CLSTN1: variants seen among roughly 807,000 people sequenced by gnomAD.
CLSTN1 encodes calsyntenin-1.
In CLSTN1, 28 loss-of-function variants were observed where a neutral mutation model predicts 108.3. The ratio of observed to expected loss-of-function variants is 0.26; its 90% CI spans 0.19 to 0.35. The LOEUF is 0.35. CLSTN1 is among the 10% of genes least tolerant of loss of function. The probability of loss-of-function intolerance (pLI) is 1.00; values close to 1 mark genes in which losing one functional copy is unlikely to be tolerated. For missense variants in CLSTN1, 1,157 were observed against 1,302.6 expected (o/e 0.89, Z 1.72); for synonymous variants, 524 against 534.9 (o/e 0.98, Z 0.28).
chr1:9,784,253 G>GAAT (rs1653380598), intron 1 of CLSTN1, among the ~76,000 whole-genome samples: 1 of 151,952 alleles, frequency 6.6e-6, no homozygotes, highest in Non-Finnish European at 1.5e-5. Flanking sequence ...TGAGGCAGGG[G>GAAT]AATCTCTTGA....
rs187253731 is a variant in CLSTN1, at chr1:9,787,978, G to A, written c.92-14584C>T. ...AATTTGACTATTTGACTAAGGGTCC[G>A]GCGTGGTGGCTCAAACCTGTAATCC... is the stretch of plus-strand genomic sequence containing the variant. On this transcript the variant is annotated intron_variant, in intron 1 of 18. Transcript: ENST00000377298. Among the ~76,000 whole-genome samples, 119 of 151,480 alleles carry A rather than the reference G, an allele frequency of 7.9e-4. 1 individual carries two copies. The highest frequency in any genetic ancestry group is 2.1e-3 in the African/African-American group (89 of 41,518).
At chr1:9,760,874 A>C (rs1005833801) in intron 2 of CLSTN1, among the ~76,000 whole-genome samples, 6 of 151,726 alleles carry the variant, frequency 4.0e-5, no homozygotes, top group African/African-American at 1.5e-4. Flanking sequence ...TCACATACGA[A>C]GGTGCAGCTC....
At chr1:9,775,548 C>T (rs1652898362) in intron 1 of CLSTN1, among the ~76,000 whole-genome samples, 1 of 151,998 alleles carries the variant, frequency 6.6e-6, no homozygotes, top group South Asian at 2.1e-4. Flanking sequence ...CCATGAATCC[C>T]TCCCTGAGCC....
At position 9,731,235 on chromosome 1, in the gene CLSTN1, CAG is replaced by C; in HGVS notation, c.2717_2718del (p.Ser906CysfsTer13). On this transcript the variant is annotated frameshift_variant, in exon 18 of 19. Transcript: ENST00000377298. LOFTEE classifies it high-confidence loss of function. ...GKENEMDWDD[S>X]ALTITVNPME... ...ATGGGGTTGACGGTGATGGTCAGGG[CAG>C]AGTCGTCCCAGTCCATCTCGTTCTC... 1 of 1,614,254 alleles carries C rather than the reference CAG, an allele frequency of 6.2e-7. No individual in the cohort carries two copies. Among genetic ancestry groups the C allele is most frequent in the Non-Finnish European group, 8.5e-7 (1 of 1,180,058 alleles).
intron 1 of CLSTN1, among the ~76,000 whole-genome samples, chr1:9,808,573 T>C (rs953995633): frequency 2.6e-5 from 4 of 152,132 alleles, no homozygotes; most frequent in African/African-American, 9.7e-5. Flanking sequence ...CAAAGCTAGG[T>C]TGAGGCAGTT....
At chr1:9,814,411 C>T (rs1444218564) in intron 1 of CLSTN1, among the ~76,000 whole-genome samples, 2 of 152,032 alleles carry the variant, frequency 1.3e-5, no homozygotes, top group East Asian at 1.9e-4. Context: ...CTTTGCTATA[C>T]TTTAAGTATG....
intron 1 of CLSTN1, among the ~76,000 whole-genome samples, chr1:9,779,083 C>T (rs1653114685): frequency 6.6e-6 from 1 of 151,732 alleles, no homozygotes; most frequent in Non-Finnish European, 1.5e-5. Flanking sequence ...GCACCTTTCT[C>T]CTGCGAGCCT....
chr1:9,766,193 A>G (rs1050885364), intron 2 of CLSTN1, among the ~76,000 whole-genome samples: 11 of 152,182 alleles, frequency 7.2e-5, no homozygotes, highest in African/African-American at 2.7e-4. Flanking sequence ...CTGGAAAAGC[A>G]GGAAAGAGAT....
At chr1:9,748,748 C>CA (rs536869002) in intron 7 of CLSTN1, among the ~76,000 whole-genome samples, 1,803 of 150,704 alleles carry the variant, frequency 0.012, 23 homozygotes, top group Non-Finnish European at 0.016. Context: ...CTCGGCCTCC[C>CA]AAAGTGGTAA....
chr1:9,747,739 G>A (rs1207167481), intron 7 of CLSTN1, among the ~76,000 whole-genome samples: 1 of 152,136 alleles, frequency 6.6e-6, no homozygotes, highest in Middle Eastern at 3.4e-3. Flanking sequence ...CAAGTGATCT[G>A]GATAATTTTC....
intron 7 of CLSTN1, among the ~76,000 whole-genome samples, chr1:9,747,057 G>A (rs914382791): frequency 6.6e-6 from 1 of 151,378 alleles, no homozygotes; most frequent in Non-Finnish European, 1.5e-5. Context: ...GCACATGCCT[G>A]TAATCCCAGC....
intron 9 of CLSTN1, among the ~76,000 whole-genome samples, 162 bp from the exon 10 acceptor site, chr1:9,741,418 C>A (rs1650978070): frequency 6.6e-6 from 1 of 152,100 alleles, no homozygotes; most frequent in Non-Finnish European, 1.5e-5. Context: ...CAAAAGAAGC[C>A]AAGCATCTCT....
intron 1 of CLSTN1, among the ~76,000 whole-genome samples, chr1:9,820,430 A>G (rs1655149154): frequency 6.6e-6 from 1 of 152,078 alleles, no homozygotes; most frequent in South Asian, 2.1e-4. Flanking sequence ...GAGGCAGAAG[A>G]ATCTCTTGAA....
chr1:9,741,749 T>C (rs1650994096), intron 9 of CLSTN1, among the ~76,000 whole-genome samples: 1 of 152,124 alleles, frequency 6.6e-6, no homozygotes, highest in Non-Finnish European at 1.5e-5. Context: ...CCATCTCTAC[T>C]GAAAATACAA....
intron 7 of CLSTN1, among the ~76,000 whole-genome samples, chr1:9,745,523 G>A (rs1215328201): frequency 4.6e-5 from 7 of 151,884 alleles, no homozygotes. Context: ...CAGGTGTGGT[G>A]GTGCATCCCT....
At chr1:9,777,155 G>C (rs111521549) in intron 1 of CLSTN1, among the ~76,000 whole-genome samples, 1 of 150,712 alleles carries the variant, frequency 6.6e-6, no homozygotes, top group Non-Finnish European at 1.5e-5. Context: ...GGGAGGTGCA[G>C]GTTGCAGTGA....
At chr1:9,739,252 A>G (rs145593310) in intron 10 of CLSTN1, among the ~76,000 whole-genome samples, 1 of 152,278 alleles carries the variant, frequency 6.6e-6, no homozygotes, top group African/African-American at 2.4e-5. Context: ...GAATGCACTG[A>G]TATTTGCACA....
intron 1 of CLSTN1, among the ~76,000 whole-genome samples, chr1:9,803,107 G>A (rs999880050): frequency 3.3e-5 from 5 of 152,134 alleles, no homozygotes; most frequent in African/African-American, 7.2e-5. Flanking sequence ...ACAGGCATAA[G>A]CCACCACGCC....
chr1:9,788,073 G>A (rs1271042679), intron 1 of CLSTN1, among the ~76,000 whole-genome samples: 1 of 151,204 alleles, frequency 6.6e-6, no homozygotes, highest in African/African-American at 2.4e-5. Flanking sequence ...CGGCCAACCT[G>A]GCGAGACCCC....
Sources: allele counts gnomAD v4.1 joint callset (sites outside exome capture counted in the v4.1 genomes callset), GRCh38; gene constraint gnomAD v4.1.1; transcripts MANE v1.5; gene names NCBI Gene and HGNC (gene_info 2026-07-23, HGNC 2026-07-21).